The following ZBTB46 variants were observed in gnomAD, a reference collection of about 807,000 sequenced individuals.
ZBTB46 encodes zinc finger and BTB domain-containing protein 46.
ZBTB46 carries 8 observed loss-of-function variants against 44.1 expected under a neutral mutation model. The ratio of observed to expected loss-of-function variants is 0.18; its 90% CI spans 0.11 to 0.33. ZBTB46 has a LOEUF of 0.33. Among genes scored for constraint, ZBTB46 ranks in the 10% least tolerant of loss-of-function variants. The pLI, the probability that ZBTB46 is intolerant of heterozygous loss-of-function variation, is 1.00. For missense variants in ZBTB46, 651 were observed against 847.7 expected (o/e 0.77, Z 2.88); for synonymous variants, 409 against 382.3 (o/e 1.07, Z -0.81).
At chr20:63,824,195 G>A (rs1272445677) in intron 1 of ZBTB46, among the ~76,000 whole-genome samples, 3 of 152,122 alleles carry the variant, frequency 2.0e-5, no homozygotes, top group Non-Finnish European at 2.9e-5. Flanking sequence ...TTGTGGGTCT[G>A]CAGATTCCAC....
chr20:63,759,643 A>C (rs1360350133), intron 3 of ZBTB46, among the ~76,000 whole-genome samples: 1 of 152,226 alleles, frequency 6.6e-6, no homozygotes, highest in Non-Finnish European at 1.5e-5. Flanking sequence ...TCTCAGGGGC[A>C]GCCCTGCACA....
At chr20:63,808,278 G>C (rs1467386739) in intron 1 of ZBTB46, 1 of 152,572 alleles carries the variant, frequency 6.6e-6, no homozygotes, top group African/African-American at 2.4e-5. Flanking sequence ...CGATGAACCT[G>C]TCAGGGGTCC....
intron 1 of ZBTB46, among the ~76,000 whole-genome samples, chr20:63,828,741 A>C (rs1253814093): frequency 2.6e-5 from 4 of 152,238 alleles, no homozygotes; most frequent in Non-Finnish European, 5.9e-5. Flanking sequence ...CTTTCCTCTC[A>C]CTTTAACTCA....
Position 63,744,586 on chromosome 20 carries a change from A to T in ZBTB46, c.*2344T>A, listed in dbSNP as rs2092070803. ...GATTTAAAAAAAAATCAGTCACATA[A>T]AAAAAACCCTTCATGACATGTCTTT... is the stretch of plus-strand genomic sequence containing the variant. On this transcript the variant is annotated 3_prime_UTR_variant, in exon 5 of 5. Transcript: ENST00000245663. 1 of 152,330 alleles carries T rather than the reference A, an allele frequency of 6.6e-6. No individual in the cohort carries two copies. Among genetic ancestry groups the T allele is most frequent in the African/African-American group, 2.4e-5 (1 of 41,434 alleles). The allele number at this position is 152,330 out of a possible 1,614,324, so 9.4% of individuals were successfully genotyped here.
Position 63,744,361 on chromosome 20 carries a change from G to A in ZBTB46, c.*2569C>T, listed in dbSNP as rs1191946562. 1.3e-5 allele frequency: 2 copies of A among 152,246 alleles called. No homozygotes were observed. The highest frequency in any genetic ancestry group is 2.9e-5 in the Non-Finnish European group (2 of 68,076). 9.4% of individuals were successfully genotyped at this position (152,246 alleles called of 1,614,324 possible). A position where few individuals can be genotyped will look rare whatever the true frequency, so the allele number is the denominator to read the frequency against. ...AGAGCCCCAGTGTACAACCTGGTCAGGATCCAGAGCTTGACAGAAAAATCG... is the reference window on the plus strand; with the variant it reads ...AGAGCCCCAGTGTACAACCTGGTCAAGATCCAGAGCTTGACAGAAAAATCG... On this transcript the variant is annotated 3_prime_UTR_variant, in exon 5 of 5. Transcript: ENST00000245663.
chr20:63,772,722 A>AACACACACACAC (rs67126549), intron 3 of ZBTB46, among the ~76,000 whole-genome samples: 3 of 20,256 alleles, frequency 1.5e-4, no homozygotes, highest in Non-Finnish European at 2.8e-4. Flanking sequence ...CTGTCTCAAA[A>AACACACACACAC]ACACACACAC....
At chr20:63,753,958 T>C (rs1167019424) in intron 3 of ZBTB46, among the ~76,000 whole-genome samples, 3 of 152,186 alleles carry the variant, frequency 2.0e-5, no homozygotes, top group South Asian at 4.1e-4. Context: ...AGTCCCCACT[T>C]GCCCTGCAGG....
At chr20:63,785,046 A>C (rs1253456747) in intron 2 of ZBTB46, among the ~76,000 whole-genome samples, 1 of 151,034 alleles carries the variant, frequency 6.6e-6, no homozygotes, top group Non-Finnish European at 1.5e-5. Flanking sequence ...GTCCTGGCCA[A>C]CATGGTGAAA....
At chr20:63,747,631 G>T (rs981880427) in intron 4 of ZBTB46, among the ~76,000 whole-genome samples, 1 of 151,800 alleles carries the variant, frequency 6.6e-6, no homozygotes, top group Non-Finnish European at 1.5e-5. Flanking sequence ...GACTCCTGGT[G>T]GGGGAGGTGC....
intron 1 of ZBTB46, among the ~76,000 whole-genome samples, 183 bp downstream of exon 1, chr20:63,830,914 G>A (rs1483607849): frequency 1.4e-5 from 2 of 141,050 alleles, no homozygotes; most frequent in South Asian, 2.2e-4. Context: ...AGCCCGCGCC[G>A]CAGCTGGGAG....
intron 3 of ZBTB46, among the ~76,000 whole-genome samples, chr20:63,763,756 C>T (rs2092296136): frequency 6.6e-6 from 1 of 152,120 alleles, no homozygotes; most frequent in Non-Finnish European, 1.5e-5. Context: ...TTGAATCACA[C>T]CACTTTTCCT....
At chr20:63,762,976 T>C (rs1238271422) in intron 3 of ZBTB46, among the ~76,000 whole-genome samples, 4 of 152,184 alleles carry the variant, frequency 2.6e-5, no homozygotes, top group Non-Finnish European at 4.4e-5. Context: ...ATCTCCTGCC[T>C]CAGCCTCCCA....
chr20:63,752,894 G>A lies in ZBTB46; in HGVS notation c.1223-33C>T. 6.4e-7 allele frequency: 1 copy of A among 1,568,940 alleles called. No homozygotes were observed. The highest frequency in any genetic ancestry group is 8.7e-7 in the Non-Finnish European group (1 of 1,152,406). ...AGAGGGACCCGCGAGGCGTCAGCAG[G>A]GCTTGGGATGTACCGCCCTGCGGCC... On this transcript the variant is annotated intron_variant, in intron 3 of 4. Transcript: ENST00000245663. This position sits in a 1 kb window ranked among gnomAD's most constrained non-coding sequence, Gnocchi z 5.6.
upstream of ZBTB46, among the ~76,000 whole-genome samples, chr20:63,832,433 G>A (rs552795826): frequency 6.6e-6 from 1 of 152,196 alleles, no homozygotes; most frequent in Non-Finnish European, 1.5e-5. This position sits in a 1 kb window ranked among gnomAD's most constrained non-coding sequence, Gnocchi z 5.0. Context: ...GCCTCCCTGC[G>A]GGCCCAGCGC....
At chr20:63,795,934 T>C (rs781718009) in intron 1 of ZBTB46, among the ~76,000 whole-genome samples, 7 of 152,158 alleles carry the variant, frequency 4.6e-5, no homozygotes, top group African/African-American at 7.2e-5. Context: ...GTGTCCATCA[T>C]TGAGCGCCTT....
At chr20:63,749,436 A>T (rs2092137407) in intron 4 of ZBTB46, among the ~76,000 whole-genome samples, 1 of 152,136 alleles carries the variant, frequency 6.6e-6, no homozygotes, top group Admixed American at 6.5e-5. Flanking sequence ...TCCCGGGTTC[A>T]TACCATTCTC....
Position 63,789,825 on chromosome 20 carries a change from G to A in ZBTB46, c.933C>T (p.Asp311=), listed in dbSNP as rs764372886. The A allele has an allele frequency of 3.7e-6, 6 of 1,607,930 alleles. No individual in the cohort carries two copies. Among genetic ancestry groups the A allele is most frequent in the Non-Finnish European group, 5.1e-6 (6 of 1,178,410 alleles). The stretch of plus-strand genomic sequence containing the variant: ...CGTAACGAGTGAAAGGCTTACTTGA[G>A]TCTCGGCTGCTGAACGGCCACCCCG... ...PTSGWPFSSR[D]SNADLSVTEA... is the part of the protein sequence containing the mutation. Residue 311 remains aspartate (D), a synonymous_variant, in exon 2 of 5, where the codon GAC becomes GAT. Coordinates refer to ENST00000245663, the MANE Select transcript of ZBTB46 (RefSeq NM_001369741.1).
intron 1 of ZBTB46, among the ~76,000 whole-genome samples, chr20:63,805,568 A>G (rs2092675843): frequency 6.6e-6 from 1 of 152,156 alleles, no homozygotes. Flanking sequence ...AGCCACCAGG[A>G]GCTGGAAGAG....
rs2092179281 is a variant in ZBTB46, at chr20:63,752,597, C to T, written c.1398+89G>A. 3 of 1,400,020 alleles carry T rather than the reference C, an allele frequency of 2.1e-6. No homozygotes were observed. The highest frequency in any genetic ancestry group is 2.9e-5 in the African/African-American group (2 of 68,038). The allele number at this position is 1,400,020 out of a possible 1,614,324, so 86.7% of individuals were successfully genotyped here. A position where few individuals can be genotyped will look rare whatever the true frequency, so the allele number is the denominator to read the frequency against. On this transcript the variant is annotated intron_variant, in intron 4 of 4. Transcript: ENST00000245663. This position sits in a 1 kb window ranked among gnomAD's most constrained non-coding sequence, Gnocchi z 5.6. The stretch of plus-strand genomic sequence containing the variant: ...TGCAGAGTGGACCCGGTGTGGGGTC[C>T]GGGGCGGTCTGCGCCCTCATCAGGA...
Sources: gnomAD v4.1 joint callset for allele counts (sites outside exome capture counted in the v4.1 genomes callset) on GRCh38, gnomAD v4.1.1 for gene constraint, Gnocchi (gnomAD v3.1) non-coding constraint, MANE v1.5 for transcripts, NCBI Gene and HGNC (gene_info 2026-07-23, HGNC 2026-07-21) for gene names.